RPS6KA2: variants seen among roughly 807,000 people sequenced by gnomAD.
RPS6KA2 encodes the protein ribosomal protein S6 kinase alpha-2.
Under a neutral mutation model 91.8 loss-of-function variants are expected in RPS6KA2, and 42 were observed. The ratio of observed to expected loss-of-function variants is 0.46; its 90% CI spans 0.36 to 0.59. The LOEUF is 0.59. Among genes scored for constraint, RPS6KA2 ranks in the 20% least tolerant of loss-of-function variants. RPS6KA2 has a pLI of 0.00. For missense variants in RPS6KA2, 798 were observed against 978.5 expected, an observed-to-expected ratio of 0.82 and a Z score of 2.46; for synonymous variants, 414 against 393.6, an observed-to-expected ratio of 1.05 and a Z score of -0.61.
Position 166,533,460 on chromosome 6 carries a change from T to C in RPS6KA2, c.217-2147A>G, listed in dbSNP as rs984177356. Among the ~76,000 whole-genome samples, 2 of 152,178 alleles carry C rather than the reference T, an allele frequency of 1.3e-5. No homozygotes were observed. Among genetic ancestry groups the C allele is most frequent in the African/African-American group, 4.8e-5 (2 of 41,440 alleles). On this transcript the variant is annotated intron_variant, in intron 2 of 20. Coordinates refer to ENST00000265678, the MANE Select transcript of RPS6KA2 (RefSeq NM_021135.6). The surrounding 1 kb of genome is among the most constrained non-coding windows in gnomAD (Gnocchi z 4.0). ...GGAGGGGGTGTGGAACAAGGGACAG[T>C]TGTGTTTGTGGCAGGGACGCCACAT...
At chr6:166,640,062 T>C (rs1787377609) in intron 2 of RPS6KA2, among the ~76,000 whole-genome samples, 2 of 152,194 alleles carry the variant, frequency 1.3e-5, no homozygotes, top group Non-Finnish European at 2.9e-5. Context: ...AACCCCCTTA[T>C]GCAGTGAAGA....
intron 15 of RPS6KA2, among the ~76,000 whole-genome samples, chr6:166,431,504 T>A (rs1383912599): frequency 6.6e-6 from 1 of 152,190 alleles, no homozygotes; most frequent in Non-Finnish European, 1.5e-5. Context: ...CAGGGCGAAG[T>A]TACATATCAG....
At chr6:166,813,690 T>A (rs972362598) in intron 2 of RPS6KA2, among the ~76,000 whole-genome samples, 8 of 152,212 alleles carry the variant, frequency 5.3e-5, no homozygotes, top group Admixed American at 2.6e-4. Flanking sequence ...CCAGTCTCTG[T>A]GTCCACCGTC....
At chr6:166,761,245 A>G (rs1778162435) in intron 2 of RPS6KA2, among the ~76,000 whole-genome samples, 1 of 152,084 alleles carries the variant, frequency 6.6e-6, no homozygotes, top group South Asian at 2.1e-4. Flanking sequence ...GGATTTCACC[A>G]TGTTGCCCGG....
chr6:166,712,177 G>A (rs543368408), intron 2 of RPS6KA2, among the ~76,000 whole-genome samples: 193 of 152,300 alleles, frequency 1.3e-3, no homozygotes, highest in African/African-American at 4.4e-3. Context: ...ACTGGGGGAG[G>A]AAATTCTGGC....
rs1562428487 is a variant in RPS6KA2, at chr6:166,768,884, C to T, written c.123+89316G>A. 2.0e-5 allele frequency among the ~76,000 whole-genome samples: 3 copies of T among 152,298 alleles called. No homozygotes were observed. The East Asian group carries it at 5.8e-4, about 29-fold the overall frequency. On this transcript the variant is annotated intron_variant, in intron 2 of 21. Transcript: ENST00000503859. ...AGGCAGTGGAGGGGATTTTGCTGGC[C>T]CTCAGCCCACAGAGACCCTGTGGCC...
intron 15 of RPS6KA2, among the ~76,000 whole-genome samples, chr6:166,431,505 T>TA (rs1779131958): frequency 6.6e-6 from 1 of 152,212 alleles, no homozygotes; most frequent in South Asian, 2.1e-4. Flanking sequence ...AGGGCGAAGT[T>TA]ACATATCAGA....
In RPS6KA2 at chr6:166,733,425, A is replaced by T. The variant is rs1790590620; in HGVS notation, c.123+124775T>A. Among the ~76,000 whole-genome samples, 1 of 152,220 alleles carries T rather than the reference A, an allele frequency of 6.6e-6. No homozygotes were observed. The highest frequency in any genetic ancestry group is 1.5e-5 in the Non-Finnish European group (1 of 68,032). On this transcript the variant is annotated intron_variant, in intron 2 of 21. Coordinates refer to the RPS6KA2 transcript ENST00000503859. This position sits in a 1 kb window ranked among gnomAD's most constrained non-coding sequence, Gnocchi z 4.1. ...TTGTCGTCCAGGAAATTTAGAGGCC[A>T]ACGAGGGCAGGATCTACTCCCAAAA...
intron 2 of RPS6KA2, among the ~76,000 whole-genome samples, chr6:166,681,924 A>G (rs2128566811): frequency 1.3e-5 from 2 of 152,102 alleles, no homozygotes; most frequent in African/African-American, 4.8e-5. Context: ...GAGTCTCGAC[A>G]CCACCCACCA....
At chr6:166,597,192 G>A (rs1785562901) in intron 1 of RPS6KA2, among the ~76,000 whole-genome samples, 1 of 152,216 alleles carries the variant, frequency 6.6e-6, no homozygotes, top group African/African-American at 2.4e-5. Flanking sequence ...AGGTGGCTGG[G>A]GACATAGGCT....
At chr6:166,531,072 A>G (rs1235844098) in intron 3 of RPS6KA2, among the ~76,000 whole-genome samples, 160 bp downstream of exon 3, 6 of 152,254 alleles carry the variant, frequency 3.9e-5, no homozygotes, top group Admixed American at 1.3e-4. Context: ...ATATTCATGG[A>G]AATGTTTATA....
chr6:166,639,926 G>A lies in RPS6KA2; in HGVS notation c.124-101142C>T, dbSNP rs748995316. Among the ~76,000 whole-genome samples, 14 of 152,226 alleles carry A rather than the reference G, an allele frequency of 9.2e-5. No individual in the cohort carries two copies. Among genetic ancestry groups the A allele is most frequent in the Non-Finnish European group, 1.3e-4 (9 of 68,042 alleles). On this transcript the variant is annotated intron_variant, in intron 2 of 21. Transcript: ENST00000503859. This position sits in a 1 kb window ranked among gnomAD's most constrained non-coding sequence, Gnocchi z 4.2. Reference sequence around the variant, plus strand: ...AACTACTTCAGAGAAGCAAGTGTCCGTAGCGTTCCATGCGTGTGTGTAAAC... The same window carrying A: ...AACTACTTCAGAGAAGCAAGTGTCCATAGCGTTCCATGCGTGTGTGTAAAC...
At chr6:166,555,532 A>C (rs1233730261) in intron 1 of RPS6KA2, among the ~76,000 whole-genome samples, 1 of 152,082 alleles carries the variant, frequency 6.6e-6, no homozygotes, top group Non-Finnish European at 1.5e-5. Flanking sequence ...CAGCCACTCC[A>C]AAAGCCACAA....
At position 166,533,492 on chromosome 6, in the gene RPS6KA2, G is replaced by A. The variant is rs374110611; in HGVS notation, c.217-2179C>T. 3.9e-5 allele frequency among the ~76,000 whole-genome samples: 6 copies of A among 152,246 alleles called. No individual in the cohort carries two copies. The highest frequency in any genetic ancestry group is 4.1e-4 in the South Asian group (2 of 4,838). On this transcript the variant is annotated intron_variant, in intron 2 of 20. Transcript: ENST00000265678. The surrounding 1 kb of genome is among the most constrained non-coding windows in gnomAD (Gnocchi z 4.0). The stretch of plus-strand genomic sequence containing the variant: ...TGTGGCAGGGACGCCACATTTCCCC[G>A]GCATCCTGCAGGTAAGTTGGGCAGT...
chr6:166,461,737 C>T (rs146587700), intron 11 of RPS6KA2, among the ~76,000 whole-genome samples: 1 of 152,334 alleles, frequency 6.6e-6, no homozygotes, highest in African/African-American at 2.4e-5. Context: ...CTGGTTGTCA[C>T]GTATTCATTC....
intron 11 of RPS6KA2, among the ~76,000 whole-genome samples, chr6:166,466,146 T>A (rs1178469766): frequency 6.6e-6 from 1 of 152,224 alleles, no homozygotes; most frequent in Admixed American, 6.5e-5. Context: ...CTGATTCTAG[T>A]CTGATTCCTT....
intron 2 of RPS6KA2, among the ~76,000 whole-genome samples, chr6:166,716,176 T>A (rs182689140): frequency 1.7e-3 from 252 of 152,204 alleles, no homozygotes; most frequent in African/African-American, 5.8e-3. Flanking sequence ...ACAGGTTAAC[T>A]GATGTCAACA....
In RPS6KA2 at chr6:166,546,325, G is replaced by A. The variant is rs147037174; in HGVS notation, c.100-7541C>T. Among the ~76,000 whole-genome samples the A allele has an allele frequency of 3.9e-5, 6 of 152,232 alleles. No homozygotes were observed. The East Asian group carries it at 1.2e-3, about 29-fold the overall frequency. On this transcript the variant is annotated intron_variant, in intron 1 of 20. Transcript: ENST00000265678. The stretch of plus-strand genomic sequence containing the variant: ...GGGACCATTTCCGGTCTGGGCAGTG[G>A]GATGAGTGCCCAAAGGGGCTGAATA...
chr6:166,543,871 T>C (rs879834813), intron 1 of RPS6KA2, among the ~76,000 whole-genome samples: 25 of 124,378 alleles, frequency 2.0e-4, no homozygotes, highest in Admixed American at 6.1e-4. Context: ...CGTGAGTGTG[T>C]GTGAGACAGG....
Sources: gnomAD v4.1 joint callset for allele counts (sites outside exome capture counted in the v4.1 genomes callset) on GRCh38, gnomAD v4.1.1 for gene constraint, Gnocchi (gnomAD v3.1) non-coding constraint, MANE v1.5 for transcripts, NCBI Gene and HGNC (gene_info 2026-07-23, HGNC 2026-07-21) for gene names.